The following PROM1 variants were observed in gnomAD, a reference collection of about 807,000 sequenced individuals.
PROM1 encodes the protein prominin-1.
Under a neutral mutation model 116.9 loss-of-function variants are expected in PROM1, and 105 were observed. That is an observed-to-expected ratio of 0.90 (90% CI 0.77 to 1.06). The LOEUF is 1.06. PROM1 is among the 50% of genes least tolerant of loss of function. PROM1 has a pLI of 0.00. For missense variants in PROM1, 1,122 were observed against 1,045.2 expected (o/e 1.07, Z -1.01); for synonymous variants, 393 against 387.0 (o/e 1.02, Z -0.18).
chr4:15,987,880 T>TC (rs1553894564), intron 19 of PROM1, among the ~76,000 whole-genome samples, 164 bp from the exon 20 acceptor site: 2 of 148,790 alleles, frequency 1.3e-5, no homozygotes, highest in Admixed American at 6.7e-5. Context: ...GTACTTTCTT[T>TC]TTTTTTTTTT....
At chr4:16,026,128 G>A (rs893367456) in intron 5 of PROM1, among the ~76,000 whole-genome samples, 5 of 152,046 alleles carry the variant, frequency 3.3e-5, no homozygotes, top group Admixed American at 1.3e-4. Flanking sequence ...CTGCAAAAAC[G>A]CCATATGAAA....
At chr4:16,054,855 G>A (rs1738636345) in intron 2 of PROM1, among the ~76,000 whole-genome samples, 1 of 151,322 alleles carries the variant, frequency 6.6e-6, no homozygotes, top group East Asian at 1.9e-4. Context: ...CTCGAGTTCC[G>A]GGGGGGAAAA....
intron 11 of PROM1, among the ~76,000 whole-genome samples, chr4:16,010,573 G>C (rs56710103): frequency 0.028 from 4,280 of 152,288 alleles, 112 homozygotes; most frequent in East Asian, 0.11. Context: ...GCACGATCAT[G>C]GCTCACTGCA....
intron 1 of PROM1, chr4:16,079,418 A>C (rs542096927): frequency 7.2e-5 from 11 of 152,318 alleles, no homozygotes; most frequent in African/African-American, 2.2e-4. Context: ...GGTCCCTCTG[A>C]AGTTTTAAAG....
chr4:16,009,046 T>A lies in PROM1; in HGVS notation c.1204A>T (p.Ile402Phe). Residue 402 changes from isoleucine (I) to phenylalanine (F), a missense_variant, in exon 12 of 28, where the codon ATT becomes TTT. Ile to Phe is a conservative substitution (Grantham distance 21, BLOSUM62 0). Coordinates refer to ENST00000447510, the MANE Select transcript of PROM1 (RefSeq NM_006017.3). ...DIDNVTQRLP[I>F]QDILSAFSVY... is the part of the protein sequence containing the mutation. ...GAGAATGCTGAGAGTATATCCTGAA[T>A]AGGAAGACGCTGAGTTACATTGTCG... 6.2e-7 allele frequency: 1 copy of A among 1,608,110 alleles called. No homozygotes were observed. The highest frequency in any genetic ancestry group is 8.5e-7 in the Non-Finnish European group (1 of 1,174,798).
chr4:15,997,754 T>C (rs1278102189), intron 15 of PROM1, among the ~76,000 whole-genome samples: 8 of 152,154 alleles, frequency 5.3e-5, no homozygotes, highest in African/African-American at 1.7e-4. Context: ...CATGAGCCAC[T>C]ATGGCCAGCC....
chr4:16,080,852 C>A (rs1744902928), intron 1 of PROM1, among the ~76,000 whole-genome samples: 1 of 152,264 alleles, frequency 6.6e-6, no homozygotes, highest in East Asian at 1.9e-4. Context: ...GTATCTAATT[C>A]ATTCCAGCAA....
chr4:15,980,689 G>A (rs1014692401), intron 23 of PROM1, among the ~76,000 whole-genome samples, 152 bp from the exon 24 acceptor site: 2 of 150,092 alleles, frequency 1.3e-5, no homozygotes, highest in Non-Finnish European at 2.9e-5. Context: ...AATGTCATGT[G>A]GACCAGGCAC....
At chr4:15,994,665 C>T (rs991404294) in intron 15 of PROM1, among the ~76,000 whole-genome samples, 9 of 152,162 alleles carry the variant, frequency 5.9e-5, no homozygotes, top group East Asian at 3.9e-4. Context: ...AATCATATCT[C>T]TAAAATAGGA....
At chr4:16,068,863 A>G (rs1471257295) in intron 2 of PROM1, among the ~76,000 whole-genome samples, 1 of 152,088 alleles carries the variant, frequency 6.6e-6, no homozygotes, top group East Asian at 1.9e-4. Flanking sequence ...ACTCCCACAC[A>G]CACCAAATCC....
At chr4:15,978,710 C>A (rs2149027431) in intron 26 of PROM1, among the ~76,000 whole-genome samples, 1 of 152,344 alleles carries the variant, frequency 6.6e-6, no homozygotes, top group East Asian at 1.9e-4. Context: ...ATCACGCCCA[C>A]TGAAGAGGAC....
At chr4:16,040,612 G>A (rs1191320354) in intron 2 of PROM1, among the ~76,000 whole-genome samples, 1 of 152,190 alleles carries the variant, frequency 6.6e-6, no homozygotes, top group Non-Finnish European at 1.5e-5. Context: ...TCCAAGCTCC[G>A]CCACTTAACT....
chr4:15,970,253 C>T (rs917158446), intron 27 of PROM1, among the ~76,000 whole-genome samples: 10 of 149,006 alleles, frequency 6.7e-5, no homozygotes, highest in Admixed American at 6.7e-4. Flanking sequence ...GCAACCTCTG[C>T]CTCCCAGGTT....
chr4:15,991,278 C>A lies in PROM1; in HGVS notation c.1927G>T (p.Ala643Ser), dbSNP rs748475864. The change falls in exon 18 of 28, where the codon GCA (alanine) becomes TCA (serine). Residue 643 changes from alanine to serine, a missense_variant. Physicochemically the swap from Ala to Ser is moderately conservative, Grantham distance 99. Transcript: ENST00000447510. ...GCAAATGATAAAAGATTCACTCCTG[C>A]GGGGGATTTACCAGTCTACAATAGA... ...SYLAQTGKSP[A>S]GVNLLSFAYD... 5.0e-6 allele frequency: 8 copies of A among 1,602,840 alleles called. No homozygotes were observed. The Admixed American group carries it at 1.2e-4, about 24-fold the overall frequency.
chr4:16,021,760 G>A (rs1459950020), intron 8 of PROM1, among the ~76,000 whole-genome samples: 1 of 152,078 alleles, frequency 6.6e-6, no homozygotes, highest in Non-Finnish European at 1.5e-5. Flanking sequence ...AAGGTACTAA[G>A]TCCCATCTAG....
chr4:16,031,813 T>C (rs1216607268), intron 5 of PROM1, among the ~76,000 whole-genome samples: 3 of 152,182 alleles, frequency 2.0e-5, no homozygotes, highest in African/African-American at 7.2e-5. Context: ...ATAGTTAAGG[T>C]CGATTATTCC....
At chr4:16,080,163 G>A (rs559537983) in intron 1 of PROM1, among the ~76,000 whole-genome samples, 1 of 151,986 alleles carries the variant, frequency 6.6e-6, no homozygotes, top group African/African-American at 2.4e-5. Context: ...CTGCACTCCA[G>A]CCTGGGCGAC....
chr4:16,080,594 A>C (rs913132473), intron 1 of PROM1: 4 of 152,216 alleles, frequency 2.6e-5, no homozygotes, highest in African/African-American at 9.6e-5. Context: ...TTTTGATGGA[A>C]CTTCTCAGAA....
chr4:16,031,331 G>A (rs529745413), intron 5 of PROM1, among the ~76,000 whole-genome samples: 1 of 152,194 alleles, frequency 6.6e-6, no homozygotes, highest in East Asian at 1.9e-4. Context: ...AATGTGGCGT[G>A]TAAGTTTCAG....
Sources: allele counts gnomAD v4.1 joint callset (sites outside exome capture counted in the v4.1 genomes callset), GRCh38; gene constraint gnomAD v4.1.1; transcripts MANE v1.5; gene names NCBI Gene and HGNC (gene_info 2026-07-23, HGNC 2026-07-21).